Variants in TTC39B observed in about 807,000 individuals in gnomAD.
The protein encoded by TTC39B is tetratricopeptide repeat domain 39B, also known as tetratricopeptide repeat protein 39B.
In TTC39B, 92 loss-of-function variants were observed where a neutral mutation model predicts 96.6. The ratio of observed to expected loss-of-function variants is 0.95; its 90% CI spans 0.80 to 1.13. TTC39B has a LOEUF of 1.13. Ranked by LOEUF, TTC39B falls within the 50% of genes most tolerant of loss-of-function variation. The pLI, the probability that TTC39B is intolerant of heterozygous loss-of-function variation, is 0.00. For synonymous variants in TTC39B, 367 were observed against 299.4 expected (o/e 1.23, Z -2.33); for missense variants, 955 against 809.3 (o/e 1.18, Z -2.18).
At chr9:15,232,662 A>G (rs752484226) in intron 2 of TTC39B, among the ~76,000 whole-genome samples, 20 of 152,354 alleles carry the variant, frequency 1.3e-4, no homozygotes, top group East Asian at 3.9e-4. Flanking sequence ...GAAGAGACTA[A>G]TATCCTTTAA....
intron 2 of TTC39B, among the ~76,000 whole-genome samples, chr9:15,229,849 G>A (rs1821327435): frequency 6.6e-6 from 1 of 152,070 alleles, no homozygotes. Flanking sequence ...TTTTTGTGGG[G>A]TTGTTATTAT....
rs549338978 is a variant in TTC39B at position 15,199,534 on chromosome 9, G to C, written c.824+327C>G. Reference sequence around the variant, plus strand: ...GCGGATCACGAGGTCAGGAGATCGAGACCATCCTGACTAACACAGTGAAAC... The same window carrying C: ...GCGGATCACGAGGTCAGGAGATCGACACCATCCTGACTAACACAGTGAAAC... On this transcript the variant is annotated intron_variant, in intron 8 of 19. Transcript: ENST00000512701. Among the ~76,000 whole-genome samples the C allele has an allele frequency of 3.3e-5, 5 of 151,690 alleles. No homozygotes were observed. In the East Asian group the frequency reaches 7.8e-4, roughly 24 times the overall value.
At chr9:15,295,740 A>G (rs1824350109) in intron 1 of TTC39B, among the ~76,000 whole-genome samples, 2 of 152,226 alleles carry the variant, frequency 1.3e-5, no homozygotes, top group African/African-American at 4.8e-5. Context: ...GAAGAATGTC[A>G]GAAGTGAAAT....
intron 7 of TTC39B, among the ~76,000 whole-genome samples, chr9:15,200,801 C>T (rs185904082): frequency 3.3e-5 from 5 of 152,338 alleles, no homozygotes; most frequent in African/African-American, 9.6e-5. Context: ...GAGATCAAGG[C>T]CATCCTGGCC....
chr9:15,267,213 TCTAGC>T (rs1312215626), intron 2 of TTC39B, among the ~76,000 whole-genome samples: 1 of 152,194 alleles, frequency 6.6e-6, no homozygotes, highest in Non-Finnish European at 1.5e-5. Context: ...AACTCAGACT[TCTAGC>T]CTCCAAAATT....
chr9:15,192,476 T>C (rs1428264055), intron 9 of TTC39B, 114 bp downstream of exon 9: 4 of 761,154 alleles, frequency 5.3e-6, no homozygotes, highest in Non-Finnish European at 8.7e-6. Flanking sequence ...CTCTAGCTGT[T>C]TGTCAACCAA....
chr9:15,191,045 C>G, intron 10 of TTC39B, 145 bp downstream of exon 10: 1 of 660,658 alleles, frequency 1.5e-6, no homozygotes, highest in Non-Finnish European at 2.6e-6. Flanking sequence ...AAAACATGAT[C>G]AAGAATCAAA....
intron 1 of TTC39B, among the ~76,000 whole-genome samples, chr9:15,284,459 G>C (rs1823881950): frequency 6.6e-6 from 1 of 152,118 alleles, no homozygotes; most frequent in Non-Finnish European, 1.5e-5. Flanking sequence ...AAAGAAATTA[G>C]AATTAGACCC....
intron 6 of TTC39B, 140 bp from the exon 7 acceptor site, chr9:15,204,030 T>C (rs376801175): frequency 2.6e-5 from 17 of 663,130 alleles, no homozygotes; most frequent in South Asian, 9.6e-5. Flanking sequence ...TCCACAAAAG[T>C]GGAATGATAA....
chr9:15,282,923 T>C (rs1823820586), intron 1 of TTC39B, among the ~76,000 whole-genome samples: 1 of 152,228 alleles, frequency 6.6e-6, no homozygotes, highest in Admixed American at 6.5e-5. Context: ...AACTGAGCTA[T>C]TTGACAAAGT....
chr9:15,181,542 C>G (rs928312280), intron 17 of TTC39B, among the ~76,000 whole-genome samples: 2 of 152,210 alleles, frequency 1.3e-5, no homozygotes, highest in Non-Finnish European at 2.9e-5. Flanking sequence ...TAAGCCCAGA[C>G]TGCCTGATTC....
intron 2 of TTC39B, among the ~76,000 whole-genome samples, chr9:15,234,485 A>T (rs1353074945): frequency 8.1e-6 from 1 of 124,032 alleles, no homozygotes; most frequent in Non-Finnish European, 1.8e-5. Flanking sequence ...CCTGCTGGGA[A>T]GTGAGGAGCC....
chr9:15,287,945 CAAAAAAA>C (rs762069142), intron 1 of TTC39B, among the ~76,000 whole-genome samples: 2 of 68,974 alleles, frequency 2.9e-5, no homozygotes, highest in Middle Eastern at 0.019. Context: ...GACTCCATCT[CAAAAAAA>C]AAAAAAAAAA....
At chr9:15,210,232 T>C in intron 5 of TTC39B, 68 bp from the exon 6 acceptor site, 1 of 1,077,880 alleles carries the variant, frequency 9.3e-7, no homozygotes, top group East Asian at 2.4e-5. Context: ...TCATTTTCAT[T>C]TGACGTTCAT....
intron 1 of TTC39B, among the ~76,000 whole-genome samples, chr9:15,277,321 G>C (rs568988256): frequency 6.6e-6 from 1 of 152,306 alleles, no homozygotes; most frequent in South Asian, 2.1e-4. Flanking sequence ...CCAGCTACTT[G>C]GGAGGCTGAG....
chr9:15,303,580 G>A (rs143911875), intron 1 of TTC39B, among the ~76,000 whole-genome samples: 79 of 151,592 alleles, frequency 5.2e-4, no homozygotes, highest in Non-Finnish European at 8.3e-4. Flanking sequence ...GTCTCACTGC[G>A]TTACGCAGGT....
chr9:15,301,680 C>T (rs1824595452), intron 1 of TTC39B, among the ~76,000 whole-genome samples: 1 of 151,366 alleles, frequency 6.6e-6, no homozygotes, highest in Admixed American at 6.6e-5. Flanking sequence ...CACTTGAACC[C>T]GGGAGGCAGA....
At chr9:15,228,349 A>C (rs558255996) in intron 2 of TTC39B, among the ~76,000 whole-genome samples, 1 of 152,310 alleles carries the variant, frequency 6.6e-6, no homozygotes, top group South Asian at 2.1e-4. Context: ...CTGTAATCCG[A>C]GCTACTCAGG....
At chr9:15,196,038 C>A (rs1430872300) in intron 8 of TTC39B, among the ~76,000 whole-genome samples, 3 of 152,186 alleles carry the variant, frequency 2.0e-5, no homozygotes, top group Non-Finnish European at 2.9e-5. Context: ...AACAACAAAG[C>A]CTGGATGATA....
Sources: gnomAD v4.1 joint callset for allele counts (sites outside exome capture counted in the v4.1 genomes callset) on GRCh38, gnomAD v4.1.1 for gene constraint, MANE v1.5 for transcripts, NCBI Gene and HGNC (gene_info 2026-07-23, HGNC 2026-07-21) for gene names.